SNAP47: variants seen among roughly 807,000 people sequenced by gnomAD.
SNAP47 encodes synaptosome associated protein 47.
In SNAP47, 20 loss-of-function variants were observed where a neutral mutation model predicts 31.4. The ratio of observed to expected loss-of-function variants is 0.64; its 90% CI spans 0.45 to 0.93. The LOEUF (loss-of-function observed/expected upper bound fraction) is 0.93, where lower values mean the gene tolerates loss of function less well. Ranked by LOEUF, SNAP47 falls within the 40% of genes least tolerant of loss-of-function variation. SNAP47 has a pLI of 0.00. For missense variants in SNAP47, 492 were observed against 528.5 expected (o/e 0.93, Z 0.68); for synonymous variants, 194 against 213.4 (o/e 0.91, Z 0.79).
intron 2 of SNAP47, among the ~76,000 whole-genome samples, chr1:227,751,443 T>C (rs1271795068): frequency 6.6e-6 from 1 of 152,222 alleles, no homozygotes; most frequent in East Asian, 1.9e-4. Flanking sequence ...CCTGTATTCA[T>C]GTCCAGTTCC....
intron 2 of SNAP47, among the ~76,000 whole-genome samples, chr1:227,752,385 G>A (rs1157344304): frequency 6.6e-6 from 1 of 152,066 alleles, no homozygotes; most frequent in Non-Finnish European, 1.5e-5. Flanking sequence ...TGAAGCTGGT[G>A]CCCTTGGCCA....
chr1:227,774,965 G>A (rs1054498920), intron 4 of SNAP47, among the ~76,000 whole-genome samples: 8 of 152,216 alleles, frequency 5.3e-5, no homozygotes, highest in Admixed American at 3.3e-4. Context: ...TCCTGTGCAC[G>A]CCTGGAGTGA....
rs1291142241 is a variant in SNAP47, at chr1:227,762,573, G to A, written c.988+3088G>A. On this transcript the variant is annotated intron_variant, in intron 3 of 4. Transcript: ENST00000617596. This position sits in a 1 kb window ranked among gnomAD's most constrained non-coding sequence, Gnocchi z 4.2. ...GATGTCTCAGAAATCCCTGCCTCTG[G>A]GACGAGCGCTGGTGCACGTGTGGCC... Among the ~76,000 whole-genome samples, 7 of 152,242 alleles carry A rather than the reference G, an allele frequency of 4.6e-5. No individual in the cohort carries two copies. The highest frequency in any genetic ancestry group is 1.0e-4 in the Non-Finnish European group (7 of 68,044).
At chr1:227,767,592 G>T (rs547916359) in intron 4 of SNAP47, among the ~76,000 whole-genome samples, 1 of 152,278 alleles carries the variant, frequency 6.6e-6, no homozygotes, top group East Asian at 1.9e-4. Context: ...TGTGTGTGCT[G>T]TGCATGTGGT....
In SNAP47 at chr1:227,773,274, A is replaced by G. The variant is rs192495780; in HGVS notation, c.1113+6191A>G. 2.8e-3 allele frequency among the ~76,000 whole-genome samples: 420 copies of G among 152,126 alleles called. 7 individuals are homozygous for G. Among genetic ancestry groups the G allele is most frequent in the Non-Finnish European group, 5.9e-4 (40 of 68,006 alleles). ...GCATGAGCCACTGTGCCTGGCCAAA[A>G]AAAAGTTTCAAAAGTAAAAAATAAA... On this transcript the variant is annotated intron_variant, in intron 4 of 4. Coordinates refer to ENST00000617596, the MANE Select transcript of SNAP47 (RefSeq NM_053052.4).
At chr1:227,769,053 G>A (rs137868734) in intron 4 of SNAP47, among the ~76,000 whole-genome samples, 182 of 152,328 alleles carry the variant, frequency 1.2e-3, no homozygotes, top group African/African-American at 4.0e-3. Context: ...CACGTGTGGC[G>A]TGTTCTTCAC....
At chr1:227,728,199 TAGG>T (rs1423231808), upstream of SNAP47, among the ~76,000 whole-genome samples, 1 of 152,184 alleles carries the variant, frequency 6.6e-6, no homozygotes, top group East Asian at 1.9e-4. Context: ...ACCTCCGGGC[TAGG>T]AGGTTTTCCC....
rs140543368 is a variant in SNAP47 at position 227,759,115 on chromosome 1, A to G, written c.618A>G (p.Lys206=). Residue 206 remains lysine, a synonymous_variant, in exon 3 of 5, where the codon AAA becomes AAG. Coordinates refer to ENST00000617596, the MANE Select transcript of SNAP47 (RefSeq NM_053052.4). Reference sequence around the variant, plus strand: ...TGACCAGTTGTGAACCCTTTGGGAAAGAAGGGATACTGATAAAAATTCCTG... The same window carrying G: ...TGACCAGTTGTGAACCCTTTGGGAAGGAAGGGATACTGATAAAAATTCCTG... ...VSMTSCEPFG[K]EGILIKIPAV... 5,132 of 1,614,202 alleles carry G rather than the reference A, an allele frequency of 3.2e-3. 44 individuals are homozygous for G. Among genetic ancestry groups the G allele is most frequent in the South Asian group, 0.018 (1,666 of 91,078 alleles).
At chr1:227,770,338 C>T (rs1663718334) in intron 4 of SNAP47, among the ~76,000 whole-genome samples, 1 of 152,166 alleles carries the variant, frequency 6.6e-6, no homozygotes, top group South Asian at 2.1e-4. Context: ...TCAGGTAGGG[C>T]TCACGTGGAG....
intron 3 of SNAP47, 34 bp from the exon 4 acceptor site, chr1:227,766,925 A>C (rs920195886): frequency 6.2e-7 from 1 of 1,611,082 alleles, no homozygotes; most frequent in African/African-American, 1.3e-5. Flanking sequence ...CAACTCCGAG[A>C]GATGTCACTG....
At chr1:227,733,209 A>G (rs1211465503), upstream of SNAP47, 7 of 857,456 alleles carry the variant, frequency 8.2e-6, 1 homozygote, top group East Asian at 1.9e-4. Context: ...ACCTCAGGCC[A>G]CAGTGAACCC....
chr1:227,755,266 C>T (rs75145099), intron 2 of SNAP47, among the ~76,000 whole-genome samples: 2,807 of 152,218 alleles, frequency 0.018, 90 homozygotes, highest in African/African-American at 0.063. Flanking sequence ...TGCAGTGGCG[C>T]GATCACAGCT....
At chr1:227,760,312 C>T (rs946399660) in intron 3 of SNAP47, among the ~76,000 whole-genome samples, 1 of 152,330 alleles carries the variant, frequency 6.6e-6, no homozygotes, top group Middle Eastern at 3.4e-3. Flanking sequence ...CCCTACTTTG[C>T]CCACTCTTGT....
Position 227,763,082 on chromosome 1 carries a change from A to G in SNAP47, c.988+3597A>G, listed in dbSNP as rs1014430978. ...AGACATCCTCCTGCCTTGGCCTCTC[A>G]AGTAGCTGGGACTATAGGCACATAT... On this transcript the variant is annotated intron_variant, in intron 3 of 4. Transcript: ENST00000617596. This position sits in a 1 kb window ranked among gnomAD's most constrained non-coding sequence, Gnocchi z 4.2. Among the ~76,000 whole-genome samples the G allele has an allele frequency of 5.3e-5, 8 of 151,706 alleles. No homozygotes were observed. The highest frequency in any genetic ancestry group is 8.8e-5 in the Non-Finnish European group (6 of 67,958).
At chr1:227,734,556 C>T, upstream of SNAP47, 2 of 1,176,278 alleles carry the variant, frequency 1.7e-6, no homozygotes, top group Non-Finnish European at 2.4e-6. Flanking sequence ...AAAATAGCTC[C>T]GTTGTGCACC....
At chr1:227,731,677 C>T (rs1324822286), upstream of SNAP47, 1 of 153,448 alleles carries the variant, frequency 6.5e-6, no homozygotes, top group Non-Finnish European at 1.4e-5. Flanking sequence ...GGGGACCCAC[C>T]ACTCCTGAGA....
chr1:227,734,958 C>A, upstream of SNAP47: 4 of 1,499,788 alleles, frequency 2.7e-6, no homozygotes, highest in Non-Finnish European at 3.6e-6. Flanking sequence ...GCCTCCCGGG[C>A]CTGGGTCCCG....
At chr1:227,746,408 G>A (rs1661966279) in intron 1 of SNAP47, 1 of 152,386 alleles carries the variant, frequency 6.6e-6, no homozygotes, top group South Asian at 2.1e-4. Context: ...GTTCTCAGAT[G>A]GCTGTGTCCT....
chr1:227,741,888 TCTC>T lies in SNAP47; in HGVS notation c.-45-5803_-45-5801del, dbSNP rs1442746225. On this transcript the variant is annotated intron_variant, in intron 1 of 4. Coordinates refer to ENST00000617596, the MANE Select transcript of SNAP47 (RefSeq NM_053052.4). This position sits in a 1 kb window ranked among gnomAD's most constrained non-coding sequence, Gnocchi z 4.2. The stretch of plus-strand genomic sequence containing the variant: ...AGTTGGAAAAGGGTGGCTACAAGTT[TCTC>T]TTCTTGCTTCTTCCTGGGCTGTTGT... Among the ~76,000 whole-genome samples the T allele has an allele frequency of 1.3e-5, 2 of 149,578 alleles. No homozygotes were observed. The highest frequency in any genetic ancestry group is 2.9e-5 in the Non-Finnish European group (2 of 67,840).
Sources: gnomAD v4.1 joint callset for allele counts (sites outside exome capture counted in the v4.1 genomes callset) on GRCh38, gnomAD v4.1.1 for gene constraint, Gnocchi (gnomAD v3.1) non-coding constraint, MANE v1.5 for transcripts, NCBI Gene and HGNC (gene_info 2026-07-23, HGNC 2026-07-21) for gene names.